NIBAN1: variants seen among roughly 807,000 people sequenced by gnomAD.
The protein encoded by NIBAN1 is niban apoptosis regulator 1, also known as protein Niban 1.
A neutral mutation model predicts 75.1 loss-of-function variants in NIBAN1; 81 were observed. The observed-to-expected ratio is 1.08, with a 90% CI of 0.90 to 1.30. The LOEUF is 1.30. Ranked by LOEUF, NIBAN1 falls within the 50% of genes most tolerant of loss-of-function variation. The pLI is 0.00. For synonymous variants in NIBAN1, 436 were observed against 424.8 expected, an observed-to-expected ratio of 1.03 and a Z score of -0.32; for missense variants, 1,133 against 1,128.1, an observed-to-expected ratio of 1.00 and a Z score of -0.06.
chr1:184,829,577 C>T (rs1386773990), intron 6 of NIBAN1, among the ~76,000 whole-genome samples: 1 of 150,456 alleles, frequency 6.6e-6, no homozygotes, highest in Non-Finnish European at 1.5e-5. Context: ...AGCAATTCTC[C>T]TTGCCTCAGC....
chr1:184,891,505 T>A (rs541907556), intron 3 of NIBAN1, among the ~76,000 whole-genome samples: 1 of 152,326 alleles, frequency 6.6e-6, no homozygotes, highest in Non-Finnish European at 1.5e-5. Context: ...GGCCCCAATA[T>A]TGGCTTTTAT....
intron 5 of NIBAN1, among the ~76,000 whole-genome samples, chr1:184,852,326 C>T (rs1655563101): frequency 6.6e-6 from 1 of 152,196 alleles, no homozygotes; most frequent in Non-Finnish European, 1.5e-5. Flanking sequence ...CCCCTGCTTG[C>T]CACCAAAACT....
At chr1:184,884,861 T>A in intron 4 of NIBAN1, 61 bp from the exon 5 acceptor site, 1 of 1,568,842 alleles carries the variant, frequency 6.4e-7, no homozygotes, top group Non-Finnish European at 8.7e-7. Context: ...TTCAAATGTG[T>A]GTTTCAGGTC....
intron 5 of NIBAN1, among the ~76,000 whole-genome samples, chr1:184,840,624 A>G (rs148239744): frequency 6.6e-6 from 1 of 151,956 alleles, no homozygotes; most frequent in East Asian, 1.9e-4. Flanking sequence ...AATAAATATT[A>G]AAAGACTATT....
intron 10 of NIBAN1, among the ~76,000 whole-genome samples, chr1:184,806,986 T>C (rs1654217463): frequency 6.6e-6 from 1 of 152,090 alleles, no homozygotes; most frequent in Non-Finnish European, 1.5e-5. Flanking sequence ...GCCAGGCTGG[T>C]CTTAAACTCC....
chr1:184,974,196 G>T, intron 1 of NIBAN1, 106 bp downstream of exon 1: 1 of 1,152,598 alleles, frequency 8.7e-7, no homozygotes, highest in Non-Finnish European at 1.1e-6. Flanking sequence ...ATCCCCGCGC[G>T]CTACAGGGAG....
intron 9 of NIBAN1, among the ~76,000 whole-genome samples, chr1:184,813,863 T>C (rs1203015169): frequency 3.3e-5 from 5 of 152,224 alleles, no homozygotes; most frequent in African/African-American, 1.2e-4. Context: ...TGCATTTCTA[T>C]CTGGGTCCTA....
chr1:184,896,336 G>A (rs1656800993), intron 2 of NIBAN1, among the ~76,000 whole-genome samples: 2 of 151,980 alleles, frequency 1.3e-5, no homozygotes, highest in East Asian at 1.9e-4. Flanking sequence ...TCATGTGTTT[G>A]TTGTCCACTT....
intron 6 of NIBAN1, among the ~76,000 whole-genome samples, chr1:184,828,309 G>T (rs1654901016): frequency 6.6e-6 from 1 of 152,158 alleles, no homozygotes; most frequent in South Asian, 2.1e-4. Context: ...AGCAAGGCTG[G>T]AAGTCTGAAT....
chr1:184,865,838 G>A (rs1475039457), intron 5 of NIBAN1, among the ~76,000 whole-genome samples: 2 of 152,024 alleles, frequency 1.3e-5, no homozygotes, highest in African/African-American at 2.4e-5. Context: ...AGGAGCATGA[G>A]AAAAAAAGTT....
At chr1:184,868,076 G>A (rs1429245312) in intron 5 of NIBAN1, 22 of 985,004 alleles carry the variant, frequency 2.2e-5, no homozygotes, top group Non-Finnish European at 2.7e-5. Context: ...TGGCAGGGAG[G>A]GGCTTTGTCT....
chr1:184,894,676 A>T (rs1656753843), intron 2 of NIBAN1, among the ~76,000 whole-genome samples: 1 of 152,206 alleles, frequency 6.6e-6, no homozygotes, highest in South Asian at 2.1e-4. Context: ...TGCTGCCTCC[A>T]ATTCTCAATG....
intron 5 of NIBAN1, among the ~76,000 whole-genome samples, chr1:184,839,847 T>G (rs1655237181): frequency 6.6e-6 from 1 of 152,220 alleles, no homozygotes; most frequent in South Asian, 2.1e-4. Flanking sequence ...TCCACCCGCC[T>G]TGGCCTCCTA....
At chr1:184,966,452 A>G (rs1305003618) in intron 1 of NIBAN1, among the ~76,000 whole-genome samples, 1 of 152,236 alleles carries the variant, frequency 6.6e-6, no homozygotes, top group Non-Finnish European at 1.5e-5. Flanking sequence ...AATGACCACC[A>G]GCAAAAATAA....
At chr1:184,816,419 C>T (rs574665954) in intron 9 of NIBAN1, among the ~76,000 whole-genome samples, 40 of 152,288 alleles carry the variant, frequency 2.6e-4, no homozygotes, top group African/African-American at 9.4e-4. Flanking sequence ...ATGATGGTAA[C>T]TGAAAGTGGC....
intron 1 of NIBAN1, among the ~76,000 whole-genome samples, chr1:184,966,362 A>AGG (rs1658784721): frequency 1.3e-5 from 2 of 152,244 alleles, no homozygotes; most frequent in Admixed American, 1.3e-4. Context: ...GGTCATGTAG[A>AGG]AAGGCCACCT....
At chr1:184,954,020 G>T (rs1259152082) in intron 1 of NIBAN1, among the ~76,000 whole-genome samples, 2 of 152,188 alleles carry the variant, frequency 1.3e-5, no homozygotes, top group Non-Finnish European at 2.9e-5. Flanking sequence ...AAATTCCTAA[G>T]GGGGAAAGAT....
Position 184,796,015 on chromosome 1 carries a change from TA to T in NIBAN1, c.1748del (p.Leu583Ter). On this transcript the variant is annotated frameshift_variant, in exon 14 of 14. Coordinates refer to ENST00000367511, the MANE Select transcript of NIBAN1 (RefSeq NM_052966.4). LOFTEE classifies it low-confidence loss of function (END_TRUNC). The part of the protein sequence containing the change: ...MALPSESVSS[L>X]TDLKPPTGSN... ...ACCCTGTGGGGGGCTTTAGATCTGT[TA>T]AGCTGGACACACTTTCACTGGGCAA... is the stretch of plus-strand genomic sequence containing the variant. The T allele has an allele frequency of 6.2e-7, 1 of 1,611,964 alleles. No homozygotes were observed. Among genetic ancestry groups the T allele is most frequent in the Non-Finnish European group, 8.5e-7 (1 of 1,179,804 alleles).
At chr1:184,882,808 C>A (rs573384768) in intron 5 of NIBAN1, among the ~76,000 whole-genome samples, 11 of 152,166 alleles carry the variant, frequency 7.2e-5, no homozygotes, top group Non-Finnish European at 1.6e-4. Flanking sequence ...TCCTACTAGA[C>A]CGAGGCCCTA....
Sources: gnomAD v4.1 joint callset for allele counts (sites outside exome capture counted in the v4.1 genomes callset) on GRCh38, gnomAD v4.1.1 for gene constraint, MANE v1.5 for transcripts, NCBI Gene and HGNC (gene_info 2026-07-23, HGNC 2026-07-21) for gene names.